The following LRP1B variants were observed in gnomAD, a reference collection of about 807,000 sequenced individuals.
The protein encoded by LRP1B is LDL receptor related protein 1B, also known as low-density lipoprotein receptor-related protein 1B.
A neutral mutation model predicts 556.6 loss-of-function variants in LRP1B; 217 were observed. The ratio of observed to expected loss-of-function variants is 0.39; its 90% CI spans 0.35 to 0.44. The LOEUF is 0.44. Among genes scored for constraint, LRP1B ranks in the 20% least tolerant of loss-of-function variants. The probability of loss-of-function intolerance (pLI) is 1.00; values close to 1 mark genes in which losing one functional copy is unlikely to be tolerated. For missense variants in LRP1B, 5,053 were observed against 5,620.8 expected (o/e 0.90, Z 3.23); for synonymous variants, 2,047 against 1,865.8 (o/e 1.10, Z -2.50).
chr2:140,656,509 C>G (rs940734196), intron 41 of LRP1B, among the ~76,000 whole-genome samples: 13 of 152,094 alleles, frequency 8.5e-5, no homozygotes, highest in African/African-American at 2.7e-4. Context: ...AGAAAAATAT[C>G]TTTGTTATCA....
At chr2:141,880,539 AAAG>A (rs1458270489) in intron 1 of LRP1B, among the ~76,000 whole-genome samples, 2 of 152,002 alleles carry the variant, frequency 1.3e-5, no homozygotes, top group African/African-American at 4.8e-5. Context: ...TTTAATAAAA[AAAG>A]GAAATAAAAA....
chr2:141,001,790 G>A (rs562941469), intron 15 of LRP1B, among the ~76,000 whole-genome samples: 5 of 152,156 alleles, frequency 3.3e-5, no homozygotes, highest in South Asian at 4.1e-4. Flanking sequence ...GTGTGCGTGC[G>A]CACGCATATG....
At chr2:141,366,665 T>A (rs1455625431) in intron 3 of LRP1B, among the ~76,000 whole-genome samples, 1 of 152,216 alleles carries the variant, frequency 6.6e-6, no homozygotes, top group African/African-American at 2.4e-5. Context: ...TTTCAGAAAA[T>A]CATGACAAAT....
At chr2:141,515,960 T>C (rs1027728209) in intron 2 of LRP1B, among the ~76,000 whole-genome samples, 1 of 152,176 alleles carries the variant, frequency 6.6e-6, no homozygotes, top group Admixed American at 6.5e-5. Flanking sequence ...TTGGTAGAAA[T>C]AGAATACTTT....
chr2:140,301,646 A>G lies in LRP1B; in HGVS notation c.12806-3677T>C, dbSNP rs1683827631. On this transcript the variant is annotated intron_variant, in intron 83 of 90. Transcript: ENST00000389484. ...ATTACTTTCTTTATGCTCTCAGAAA[A>G]CAGGCCAGAATGCTCAATGTGAATG... Among the ~76,000 whole-genome samples the G allele has an allele frequency of 3.3e-5, 5 of 152,064 alleles. No homozygotes were observed. In the South Asian group the frequency reaches 1.0e-3, roughly 32 times the overall value.
chr2:140,470,025 T>C (rs1687698743), intron 60 of LRP1B, among the ~76,000 whole-genome samples: 1 of 152,168 alleles, frequency 6.6e-6, no homozygotes, highest in African/African-American at 2.4e-5. Context: ...AAAGACTTAG[T>C]TCATAAGAGG....
chr2:140,349,708 C>T lies in LRP1B; in HGVS notation c.11892+1089G>A, dbSNP rs192335412. Among the ~76,000 whole-genome samples the T allele has an allele frequency of 2.8e-3, 419 of 151,978 alleles. 1 individual carries two copies. The highest frequency in any genetic ancestry group is 9.5e-3 in the African/African-American group (394 of 41,502). On this transcript the variant is annotated intron_variant, in intron 77 of 90. Transcript: ENST00000389484. ...TCATTAACAACAGATGCCATGTTAC[C>T]GTAGAAGCAATGTTTTCAACAAGCA...
chr2:141,105,650 C>G (rs1558863999), intron 7 of LRP1B, among the ~76,000 whole-genome samples: 1 of 152,008 alleles, frequency 6.6e-6, no homozygotes, highest in Non-Finnish European at 1.5e-5. Flanking sequence ...CTGTCAAACT[C>G]TTTGGAAAAG....
intron 77 of LRP1B, among the ~76,000 whole-genome samples, chr2:140,344,706 AAAAAC>A (rs1681564332): frequency 6.6e-6 from 1 of 151,556 alleles, no homozygotes; most frequent in African/African-American, 2.4e-5. Flanking sequence ...GATACAAAAG[AAAAAC>A]AAAGTAAGCA....
At chr2:141,042,901 T>C (rs1698743644) in intron 11 of LRP1B, among the ~76,000 whole-genome samples, 1 of 151,802 alleles carries the variant, frequency 6.6e-6, no homozygotes, top group Non-Finnish European at 1.5e-5. Context: ...GCCCATACTT[T>C]ACGTAAAATT....
intron 3 of LRP1B, among the ~76,000 whole-genome samples, chr2:141,474,454 A>G (rs62166303): frequency 0.44 from 67,468 of 151,722 alleles, 15,243 homozygotes; most frequent in Non-Finnish European, 0.49. Context: ...TATGGATAGA[A>G]ATATAAAAGT....
intron 43 of LRP1B, among the ~76,000 whole-genome samples, chr2:140,596,746 C>T (rs1682457217): frequency 6.6e-6 from 1 of 152,142 alleles, no homozygotes; most frequent in South Asian, 2.1e-4. Context: ...GGTAGAATCA[C>T]CTTCCTGCTA....
At chr2:141,397,157 G>GAAACTAGA (rs1167379574) in intron 3 of LRP1B, among the ~76,000 whole-genome samples, 1 of 100,306 alleles carries the variant, frequency 1.0e-5, no homozygotes, top group Non-Finnish European at 2.1e-5. Flanking sequence ...CTACCCTTTA[G>GAAACTAGA]AAACTAGAAA....
At chr2:141,851,449 A>G (rs971351396) in intron 1 of LRP1B, among the ~76,000 whole-genome samples, 2 of 151,790 alleles carry the variant, frequency 1.3e-5, no homozygotes, top group Non-Finnish European at 2.9e-5. Context: ...GAATATTTTT[A>G]TTAGGCTTTA....
chr2:141,601,993 G>C (rs1292667440), intron 2 of LRP1B, among the ~76,000 whole-genome samples: 2 of 152,078 alleles, frequency 1.3e-5, no homozygotes, highest in Non-Finnish European at 2.9e-5. Flanking sequence ...GTTCTACTCA[G>C]AGTAACAGCC....
intron 49 of LRP1B, among the ~76,000 whole-genome samples, chr2:140,519,907 C>T (rs1201899010): frequency 1.3e-5 from 2 of 152,244 alleles, no homozygotes; most frequent in South Asian, 2.1e-4. Context: ...ATCAAAACCG[C>T]AATGAGATAC....
intron 45 of LRP1B, among the ~76,000 whole-genome samples, chr2:140,539,233 C>T (rs1464573415): frequency 6.6e-6 from 1 of 152,074 alleles, no homozygotes; most frequent in Non-Finnish European, 1.5e-5. Context: ...TTAATGCTGC[C>T]ATTAACATTC....
intron 3 of LRP1B, among the ~76,000 whole-genome samples, chr2:141,380,129 C>A (rs1689581853): frequency 6.6e-6 from 1 of 152,008 alleles, no homozygotes; most frequent in Non-Finnish European, 1.5e-5. Context: ...AGATCCAGCA[C>A]TCACTAGTCC....
Position 140,898,547 on chromosome 2 carries a change from C to T in LRP1B, c.3766+4373G>A, listed in dbSNP as rs1470811828. ...TAGACACTAATGAGCAATCCCAGGA[C>T]CATCGATTTGTCCAACAACAAGATG... On this transcript the variant is annotated intron_variant, in intron 23 of 90. Coordinates refer to ENST00000389484, the MANE Select transcript of LRP1B (RefSeq NM_018557.3). The T allele has an allele frequency of 1.8e-5, 6 of 326,026 alleles. No homozygotes were observed. The Admixed American group carries it at 2.0e-4, about 11-fold the overall frequency. 20.2% of individuals were successfully genotyped at this position (326,026 alleles called of 1,614,324 possible).
Sources: allele counts gnomAD v4.1 joint callset (sites outside exome capture counted in the v4.1 genomes callset), GRCh38; gene constraint gnomAD v4.1.1; transcripts MANE v1.5; gene names NCBI Gene and HGNC (gene_info 2026-07-23, HGNC 2026-07-21).